Variants in SLC22A4 observed in about 807,000 individuals in gnomAD.
The protein encoded by SLC22A4 is ET transporter.
A neutral mutation model predicts 56.6 loss-of-function variants in SLC22A4; 39 were observed. That is an observed-to-expected ratio of 0.69 (90% CI 0.53 to 0.90). The LOEUF (loss-of-function observed/expected upper bound fraction) is 0.90. SLC22A4 is among the 40% of genes least tolerant of loss of function. The probability of loss-of-function intolerance (pLI) is 0.00; values close to 1 mark genes in which losing one functional copy is unlikely to be tolerated. For synonymous variants in SLC22A4, 241 were observed against 281.4 expected (o/e 0.86, Z 1.44); for missense variants, 594 against 696.5 (o/e 0.85, Z 1.66).
chr5:132,336,306 C>T (rs1328026141), intron 8 of SLC22A4, among the ~76,000 whole-genome samples: 2 of 152,112 alleles, frequency 1.3e-5, no homozygotes, highest in African/African-American at 4.8e-5. Flanking sequence ...GGTGGATCAC[C>T]TGAGGCCAGG....
intron 1 of SLC22A4, among the ~76,000 whole-genome samples, chr5:132,304,616 C>T (rs1473891600): frequency 6.6e-6 from 1 of 151,948 alleles, no homozygotes; most frequent in South Asian, 2.1e-4. Flanking sequence ...GACTTCATCT[C>T]GGAAAAGAAG....
At chr5:132,302,619 T>G (rs374764686) in intron 1 of SLC22A4, among the ~76,000 whole-genome samples, 27 of 152,174 alleles carry the variant, frequency 1.8e-4, no homozygotes, top group African/African-American at 6.3e-4. Flanking sequence ...TTTGCAAGAC[T>G]GGAGGGCAGG....
chr5:132,333,053 C>T (rs1252421955), intron 6 of SLC22A4, among the ~76,000 whole-genome samples: 1 of 152,116 alleles, frequency 6.6e-6, no homozygotes, highest in Non-Finnish European at 1.5e-5. Flanking sequence ...CTTGAGCATA[C>T]TTATTTGTTG....
chr5:132,329,754 T>C (rs1750802845), intron 5 of SLC22A4, among the ~76,000 whole-genome samples: 2 of 152,208 alleles, frequency 1.3e-5, no homozygotes, highest in African/African-American at 4.8e-5. Flanking sequence ...CAAAGACATT[T>C]TGGTGGCTCC....
At chr5:132,323,865 T>C (rs1750608028) in intron 4 of SLC22A4, among the ~76,000 whole-genome samples, 1 of 152,192 alleles carries the variant, frequency 6.6e-6, no homozygotes, top group Non-Finnish European at 1.5e-5. Context: ...CTGGCTCTAG[T>C]TGTCATTTTG....
At chr5:132,323,141 CTCAT>C (rs1268827568) in intron 4 of SLC22A4, among the ~76,000 whole-genome samples, 4 of 152,206 alleles carry the variant, frequency 2.6e-5, no homozygotes, top group Non-Finnish European at 5.9e-5. Context: ...CTCTTTCTCT[CTCAT>C]TAATTCTTCT....
chr5:132,328,427 T>C (rs547187596), intron 5 of SLC22A4, among the ~76,000 whole-genome samples: 4 of 152,326 alleles, frequency 2.6e-5, no homozygotes, highest in African/African-American at 9.6e-5. Context: ...TTCAGGACCT[T>C]TTCCAGAAGC....
At chr5:132,308,993 C>A (rs1750111873) in intron 1 of SLC22A4, among the ~76,000 whole-genome samples, 3 of 152,192 alleles carry the variant, frequency 2.0e-5, no homozygotes, top group Admixed American at 6.5e-5. Context: ...AGGTCTGTCC[C>A]ATCAAGGAAA....
intron 2 of SLC22A4, among the ~76,000 whole-genome samples, chr5:132,313,153 C>G (rs1750233074): frequency 6.6e-6 from 1 of 152,198 alleles, no homozygotes; most frequent in South Asian, 2.1e-4. Flanking sequence ...AGGTGGGGTG[C>G]TGGCATCAGT....
At chr5:132,341,637 TA>T (rs1213652743) in intron 9 of SLC22A4, among the ~76,000 whole-genome samples, 1 of 151,784 alleles carries the variant, frequency 6.6e-6, no homozygotes, top group Non-Finnish European at 1.5e-5. Context: ...TTGAATAAAT[TA>T]AAAAGTTGTC....
chr5:132,323,248 C>T (rs1192626106), intron 4 of SLC22A4, among the ~76,000 whole-genome samples: 1 of 152,210 alleles, frequency 6.6e-6, no homozygotes, highest in African/African-American at 2.4e-5. Flanking sequence ...ATAACACAAG[C>T]TTCTTTGACC....
chr5:132,313,523 C>T, intron 2 of SLC22A4, 91 bp from the exon 3 acceptor site: 3 of 1,211,378 alleles, frequency 2.5e-6, no homozygotes, highest in Non-Finnish European at 3.7e-6. Context: ...CCTGAAAAAA[C>T]ACTAAGTCTG....
chr5:132,332,774 C>A (rs3805676), intron 6 of SLC22A4, among the ~76,000 whole-genome samples: 11,027 of 140,188 alleles, frequency 0.079, 534 homozygotes, highest in East Asian at 0.27. Context: ...ACACGATGAT[C>A]GTCAGAACTG....
Position 132,306,384 on chromosome 5 carries a change from AATATATATATATATAT to A in SLC22A4, c.394-5733_394-5718del, listed in dbSNP as rs55779142. Among the ~76,000 whole-genome samples the A allele has an allele frequency of 9.5e-3, 290 of 30,550 alleles. 5 individuals are homozygous for A. Among genetic ancestry groups the A allele is most frequent in the African/African-American group, 0.017 (193 of 11,452 alleles). The allele number at this position is 30,550 out of a possible 152,430, so 20.0% of individuals were successfully genotyped here. On this transcript the variant is annotated intron_variant, in intron 1 of 9. Transcript: ENST00000200652. ...AAAACGTGGTAGACCCAAACCGTGA[AATATATATATATATAT>A]ATATATATATATATATATATATATA...
In SLC22A4 at chr5:132,344,128, A is replaced by C. The variant is rs938597516; in HGVS notation, c.*293A>C. 1.2e-5 allele frequency: 4 copies of C among 343,070 alleles called. No individual in the cohort carries two copies. The highest frequency in any genetic ancestry group is 1.6e-5 in the Non-Finnish European group (3 of 188,872). 21.3% of individuals were successfully genotyped at this position (343,070 alleles called of 1,614,324 possible). A position where few individuals can be genotyped will look rare whatever the true frequency, so the allele number is the denominator to read the frequency against. The stretch of plus-strand genomic sequence containing the variant: ...ACTGGTAAAATACATATAAAGATTA[A>C]CACTCATTTCCAATCATACAAATAC... On this transcript the variant is annotated 3_prime_UTR_variant, in exon 10 of 10. Transcript: ENST00000200652.
chr5:132,307,884 C>T (rs1448062321), intron 1 of SLC22A4, among the ~76,000 whole-genome samples: 1 of 152,112 alleles, frequency 6.6e-6, no homozygotes, highest in African/African-American at 2.4e-5. Context: ...CTAAAACTGC[C>T]AGACTTTGGC....
intron 1 of SLC22A4, among the ~76,000 whole-genome samples, chr5:132,296,177 G>C (rs1442981315): frequency 1.3e-5 from 2 of 152,242 alleles, no homozygotes. Flanking sequence ...GGGGTGATAT[G>C]ATTTTAGCTG....
intron 8 of SLC22A4, among the ~76,000 whole-genome samples, chr5:132,338,523 T>G (rs1363454994): frequency 6.6e-6 from 1 of 152,148 alleles, no homozygotes; most frequent in African/African-American, 2.4e-5. Flanking sequence ...CTAACAAGCC[T>G]GGGAGTGCTA....
chr5:132,327,345 A>G lies in SLC22A4; in HGVS notation c.893A>G (p.Gln298Arg). 1 of 1,611,540 alleles carries G rather than the reference A, an allele frequency of 6.2e-7. No individual in the cohort carries two copies. Among genetic ancestry groups the G allele is most frequent in the Non-Finnish European group, 8.5e-7 (1 of 1,177,622 alleles). The change falls in exon 5 of 10, where the codon CAA becomes CGA. Residue 298 changes from glutamine to arginine, a missense_variant. Physicochemically the swap from Gln to Arg is conservative, Grantham distance 43. Coordinates refer to ENST00000200652, the MANE Select transcript of SLC22A4 (RefSeq NM_003059.3). ...RRFREAEDIIQKAAKMNNIAV... is the reference protein window; with the variant it reads ...RRFREAEDIIRKAAKMNNIAV... ...TTTAGAGAGGCTGAAGATATCATCC[A>G]AAAAGCTGCAAAAATGAACAACATA... is the stretch of plus-strand genomic sequence containing the variant.
Sources: gnomAD v4.1 joint callset for allele counts (sites outside exome capture counted in the v4.1 genomes callset) on GRCh38, gnomAD v4.1.1 for gene constraint, MANE v1.5 for transcripts, NCBI Gene and HGNC (gene_info 2026-07-23, HGNC 2026-07-21) for gene names.